The following OGFOD1 variants were observed in gnomAD, a reference collection of about 807,000 sequenced individuals.
The protein encoded by OGFOD1 is prolyl 3-hydroxylase OGFOD1.
Under a neutral mutation model 67.7 loss-of-function variants are expected in OGFOD1, and 54 were observed. The ratio of observed to expected loss-of-function variants is 0.80; its 90% CI spans 0.64 to 1.00. OGFOD1 has a LOEUF of 1.00. OGFOD1 is among the 50% of genes least tolerant of loss of function. The probability of loss-of-function intolerance (pLI) is 0.00; values close to 1 mark genes in which losing one functional copy is unlikely to be tolerated. For missense variants in OGFOD1, 606 were observed against 646.7 expected (o/e 0.94, Z 0.68); for synonymous variants, 221 against 227.0 (o/e 0.97, Z 0.24).
At chr16:56,456,126 C>T (rs1962514988) in intron 2 of OGFOD1, among the ~76,000 whole-genome samples, 1 of 152,144 alleles carries the variant, frequency 6.6e-6, no homozygotes, top group Non-Finnish European at 1.5e-5. Context: ...AATCAGTTTT[C>T]AGTTCTTCCT....
intron 3 of OGFOD1, 149 bp from the exon 4 acceptor site, chr16:56,462,385 T>C: frequency 1.7e-6 from 1 of 586,338 alleles, no homozygotes; most frequent in Non-Finnish European, 3.1e-6. Context: ...TGAGAAACAT[T>C]TCTCAGAATG....
chr16:56,454,145 C>T (rs1297451776), intron 2 of OGFOD1, among the ~76,000 whole-genome samples: 2 of 151,940 alleles, frequency 1.3e-5, no homozygotes, highest in African/African-American at 2.4e-5. Context: ...GTCAGGAGTT[C>T]GAGACCAGCC....
At chr16:56,469,025 C>T (rs1450062956) in intron 8 of OGFOD1, among the ~76,000 whole-genome samples, 1 of 152,212 alleles carries the variant, frequency 6.6e-6, no homozygotes, top group Admixed American at 6.5e-5. Context: ...TTATAGCTGA[C>T]ATTAGCATAT....
intron 1 of OGFOD1, 27 bp downstream of exon 1, chr16:56,451,793 C>G (rs760259111): frequency 6.2e-7 from 1 of 1,610,264 alleles, no homozygotes; most frequent in African/African-American, 1.3e-5. Context: ...AGGGAGGGGC[C>G]GCCACGCAGA....
At chr16:56,471,425 GTC>G (rs1301929743) in intron 10 of OGFOD1, among the ~76,000 whole-genome samples, 1 of 151,400 alleles carries the variant, frequency 6.6e-6, no homozygotes, top group Admixed American at 6.6e-5. Context: ...ATTTAGAAAA[GTC>G]TCTCTGAGGA....
At position 56,471,969 on chromosome 16, in the gene OGFOD1, T is replaced by C. The variant is rs536740241; in HGVS notation, c.1285+1178T>C. Among the ~76,000 whole-genome samples the C allele has an allele frequency of 7.9e-4, 121 of 152,206 alleles. 2 individuals carry two copies. Among genetic ancestry groups the C allele is most frequent in the Admixed American group, 5.2e-4 (8 of 15,274 alleles). ...TATCCACTTCTGTTTGTTTGTTTGT[T>C]TGTTTGTTTTGAGACACGGTCTTGC... On this transcript the variant is annotated intron_variant, in intron 10 of 12. Transcript: ENST00000566157.
chr16:56,461,867 C>A (rs1239823993), intron 3 of OGFOD1, among the ~76,000 whole-genome samples: 1 of 151,976 alleles, frequency 6.6e-6, no homozygotes, highest in South Asian at 2.1e-4. Flanking sequence ...CCGAGGCAGG[C>A]GGATCACTTG....
In OGFOD1 at chr16:56,468,102, G is replaced by A. The variant is rs1408288472; in HGVS notation, c.900+84G>A. The A allele has an allele frequency of 1.7e-5, 12 of 689,016 alleles. No individual in the cohort carries two copies. The East Asian group carries it at 3.2e-4, about 18-fold the overall frequency. The allele number at this position is 689,016 out of a possible 1,614,324, so 42.7% of individuals were successfully genotyped here. On this transcript the variant is annotated intron_variant, in intron 8 of 12. Transcript: ENST00000566157. ...ATGGGTGAATAGGCATCACTGGGGA[G>A]TTTTTGTTTTGTTCCTGATTAGAAT... is the stretch of plus-strand genomic sequence containing the variant.
At chr16:56,455,817 A>G (rs1177277207) in intron 2 of OGFOD1, among the ~76,000 whole-genome samples, 1 of 152,190 alleles carries the variant, frequency 6.6e-6, no homozygotes, top group African/African-American at 2.4e-5. Flanking sequence ...TGAGGAAACT[A>G]CATTAGTTTT....
At chr16:56,466,845 T>C in intron 5 of OGFOD1, 31 bp from the exon 6 acceptor site, 1 of 1,511,054 alleles carries the variant, frequency 6.6e-7, no homozygotes, top group Non-Finnish European at 9.2e-7. Flanking sequence ...TGGTTAATGA[T>C]AATTTATTGA....
chr16:56,461,690 A>G (rs1962715111), intron 3 of OGFOD1, among the ~76,000 whole-genome samples: 1 of 152,188 alleles, frequency 6.6e-6, no homozygotes, highest in Admixed American at 6.5e-5. Flanking sequence ...CCTGGTAGAT[A>G]GTGTCAGAAT....
upstream of OGFOD1, chr16:56,451,544 G>C (rs1408832137): frequency 4.6e-6 from 7 of 1,533,166 alleles, no homozygotes; most frequent in East Asian, 1.1e-4. Context: ...GGGACATGCC[G>C]GGAGTTGCAG....
intron 5 of OGFOD1, among the ~76,000 whole-genome samples, chr16:56,466,518 C>T (rs1962906818): frequency 6.6e-6 from 1 of 152,152 alleles, no homozygotes; most frequent in South Asian, 2.1e-4. Flanking sequence ...GACCAAGCTT[C>T]TGAATACTGA....
chr16:56,456,604 C>T (rs1041584431), intron 2 of OGFOD1, among the ~76,000 whole-genome samples: 2 of 152,186 alleles, frequency 1.3e-5, no homozygotes, highest in Non-Finnish European at 2.9e-5. Context: ...TACAGGCAAT[C>T]GCCACATGAT....
chr16:56,473,975 A>G (rs761446420), intron 10 of OGFOD1, among the ~76,000 whole-genome samples: 15 of 151,792 alleles, frequency 9.9e-5, no homozygotes, highest in Admixed American at 1.3e-4. Flanking sequence ...CTCAGCTAAT[A>G]TTTTCGTATT....
In OGFOD1 at chr16:56,468,030, G is replaced by T. The variant is rs79914836; in HGVS notation, c.900+12G>T. ...AGGAGTTTCTTAAGGTAAGCTTAGC[G>T]TATGTTGTTCTGAATATTTTGTTTG... On this transcript the variant is annotated intron_variant, in intron 8 of 12. Transcript: ENST00000566157. 3.7e-6 allele frequency: 5 copies of T among 1,350,706 alleles called. No homozygotes were observed. The highest frequency in any genetic ancestry group is 3.6e-4 in the Middle Eastern group (2 of 5,524). 83.7% of individuals were successfully genotyped at this position (1,350,706 alleles called of 1,614,324 possible).
At chr16:56,473,956 G>A (rs913242575) in intron 10 of OGFOD1, among the ~76,000 whole-genome samples, 6 of 151,928 alleles carry the variant, frequency 3.9e-5, no homozygotes, top group East Asian at 1.9e-4. Context: ...ACAGGCACAC[G>A]CCACCATGCT....
At position 56,458,254 on chromosome 16, in the gene OGFOD1, A is replaced by G. The variant is rs369773002; in HGVS notation, c.301-294A>G. 1.1e-4 allele frequency: 38 copies of G among 347,256 alleles called. No homozygotes were observed. The East Asian group carries it at 1.2e-3, about 11-fold the overall frequency. The allele number at this position is 347,256 out of a possible 1,614,324, so 21.5% of individuals were successfully genotyped here. On this transcript the variant is annotated intron_variant, in intron 2 of 12. Transcript: ENST00000566157. ...TTTTTTCCTTTATGCACTTCTCACC[A>G]TCTTTATACTAATCTGCTTTTTGTG...
rs746704520 is a variant in OGFOD1, at chr16:56,474,926, T to A, written c.1384T>A (p.Leu462Ile). ...TAGCAAGGCTGAATTTGCCCTAGAC[T>A]TAATTCTGTACTGTGGCTGTGAAGG... ...DHSKAEFALD[L>I]ILYCGCEGWE... Residue 462 changes from leucine to isoleucine, a missense_variant, in exon 11 of 13, where the codon TTA becomes ATA. Coordinates refer to ENST00000566157, the MANE Select transcript of OGFOD1 (RefSeq NM_018233.4). 6.2e-7 allele frequency: 1 copy of A among 1,614,026 alleles called. No individual in the cohort carries two copies. The highest frequency in any genetic ancestry group is 8.5e-7 in the Non-Finnish European group (1 of 1,179,922).
Sources: allele counts gnomAD v4.1 joint callset (sites outside exome capture counted in the v4.1 genomes callset), GRCh38; gene constraint gnomAD v4.1.1; transcripts MANE v1.5; gene names NCBI Gene and HGNC (gene_info 2026-07-23, HGNC 2026-07-21).